Variants in RAD51B observed in about 807,000 individuals in gnomAD.
RAD51B encodes RAD51 paralog B.
Under a neutral mutation model 42.2 loss-of-function variants are expected in RAD51B, and 38 were observed. That is an observed-to-expected ratio of 0.90 (90% confidence interval 0.70 to 1.18). The LOEUF is 1.18. Ranked by LOEUF, RAD51B falls within the 50% of genes most tolerant of loss-of-function variation. The pLI, the probability that RAD51B is intolerant of heterozygous loss-of-function variation, is 0.00. For synonymous variants in RAD51B, 154 were observed against 145.2 expected (o/e 1.06, Z -0.43); for missense variants, 373 against 400.7 (o/e 0.93, Z 0.59).
At chr14:68,508,741 C>A (rs1199255202) in intron 10 of RAD51B, among the ~76,000 whole-genome samples, 1 of 152,204 alleles carries the variant, frequency 6.6e-6, no homozygotes, top group African/African-American at 2.4e-5. Context: ...GAGAGGGTAC[C>A]AGTTTCTTTG....
chr14:68,424,205 A>G (rs1450441317), intron 9 of RAD51B, among the ~76,000 whole-genome samples: 2 of 151,874 alleles, frequency 1.3e-5, no homozygotes, highest in African/African-American at 4.8e-5. Context: ...CTATTTCTTC[A>G]TTTTTTTCCT....
intron 8 of RAD51B, among the ~76,000 whole-genome samples, chr14:68,309,360 G>A (rs58616347): frequency 0.028 from 4,195 of 152,252 alleles, 193 homozygotes; most frequent in African/African-American, 0.094. Context: ...GGTACTTGTA[G>A]TGAAATGAGC....
At chr14:68,584,572 C>T (rs1041356146) in intron 10 of RAD51B, among the ~76,000 whole-genome samples, 1 of 152,222 alleles carries the variant, frequency 6.6e-6, no homozygotes, top group Non-Finnish European at 1.5e-5. Flanking sequence ...TCTGCCACTG[C>T]GCTTCTTGCC....
intron 8 of RAD51B, among the ~76,000 whole-genome samples, chr14:68,379,523 C>T (rs2083437272): frequency 6.6e-6 from 1 of 152,108 alleles, no homozygotes. Flanking sequence ...ATCACTTTGT[C>T]TGCCTGCAGT....
intron 7 of RAD51B, among the ~76,000 whole-genome samples, chr14:68,158,664 G>T (rs1385055949): frequency 1.3e-5 from 2 of 152,184 alleles, no homozygotes; most frequent in African/African-American, 4.8e-5. Flanking sequence ...TCAACCACAT[G>T]TATTATAATA....
chr14:68,023,934 A>G (rs941121239), intron 7 of RAD51B, among the ~76,000 whole-genome samples: 3 of 152,196 alleles, frequency 2.0e-5, no homozygotes, highest in Admixed American at 6.5e-5. Flanking sequence ...GTTGATATCA[A>G]GAAAGTTATT....
rs560856005 is a variant in RAD51B, at chr14:68,565,017, A to T, written c.1037-29468A>T. 6.6e-6 allele frequency among the ~76,000 whole-genome samples: 1 copy of T among 152,336 alleles called. No individual in the cohort carries two copies. Among genetic ancestry groups the T allele is most frequent in the South Asian group, 2.1e-4 (1 of 4,824 alleles). On this transcript the variant is annotated intron_variant, in intron 10 of 10. Coordinates refer to the RAD51B transcript ENST00000487270. The surrounding 1 kb of genome is among the most constrained non-coding windows in gnomAD (Gnocchi z 4.1). ...CAGCCTCCGGCCATAGGTGAAAGACAATTTCCGATTATTGTTTTCAAACAT... is the reference window on the plus strand; with the variant it reads ...CAGCCTCCGGCCATAGGTGAAAGACTATTTCCGATTATTGTTTTCAAACAT...
At chr14:67,971,980 ACAC>A (rs1443724585) in intron 7 of RAD51B, among the ~76,000 whole-genome samples, 31 of 151,288 alleles carry the variant, frequency 2.0e-4, no homozygotes, top group African/African-American at 7.5e-4. Flanking sequence ...TCTACCTTTA[ACAC>A]ATATGTTAAC....
chr14:68,470,045 T>C (rs1302867388), intron 10 of RAD51B, among the ~76,000 whole-genome samples: 1 of 152,044 alleles, frequency 6.6e-6, no homozygotes, highest in Middle Eastern at 3.2e-3. Flanking sequence ...ATACAATGAA[T>C]TGGTAGAGTT....
chr14:68,183,811 A>G (rs1275508891), intron 7 of RAD51B, among the ~76,000 whole-genome samples: 1 of 152,002 alleles, frequency 6.6e-6, no homozygotes, highest in East Asian at 1.9e-4. Flanking sequence ...TACCTGGGTA[A>G]GGCCGGGCGT....
At chr14:67,998,981 C>T (rs750982909) in intron 7 of RAD51B, among the ~76,000 whole-genome samples, 1 of 151,912 alleles carries the variant, frequency 6.6e-6, no homozygotes, top group Non-Finnish European at 1.5e-5. Flanking sequence ...CTGAAGAGTC[C>T]ATCTCTTTCC....
chr14:68,674,441 C>T (rs1409821078), intron 11 of RAD51B, among the ~76,000 whole-genome samples: 2 of 151,552 alleles, frequency 1.3e-5, no homozygotes, highest in Admixed American at 6.6e-5. Context: ...CATTATGTAT[C>T]GTATAATATA....
At chr14:68,276,801 G>T (rs190843854) in intron 7 of RAD51B, among the ~76,000 whole-genome samples, 2 of 152,178 alleles carry the variant, frequency 1.3e-5, no homozygotes, top group Admixed American at 1.3e-4. Flanking sequence ...ACATATTTAA[G>T]ACTTAGTTCA....
chr14:68,051,572 T>C (rs1463806559), intron 7 of RAD51B, among the ~76,000 whole-genome samples: 1 of 152,098 alleles, frequency 6.6e-6, no homozygotes, highest in Non-Finnish European at 1.5e-5. Context: ...TATTGCACTT[T>C]GCTAATAATA....
At position 68,477,825 on chromosome 14, in the gene RAD51B, C is replaced by G. The variant is rs142488573; in HGVS notation, c.*161C>G. 6.9e-7 allele frequency: 1 copy of G among 1,449,190 alleles called. No individual in the cohort carries two copies. The highest frequency in any genetic ancestry group is 9.1e-7 in the Non-Finnish European group (1 of 1,100,942). 89.8% of individuals were successfully genotyped at this position (1,449,190 alleles called of 1,614,324 possible). A position where few individuals can be genotyped will look rare whatever the true frequency, so the allele number is the denominator to read the frequency against. On this transcript the variant is annotated 3_prime_UTR_variant, in exon 11 of 11. Coordinates refer to ENST00000471583, the MANE Select transcript of RAD51B (RefSeq NM_133510.4). ...ATTTGCTCCTAAACCATTGAGCTAG[C>G]GATTTCAGACCTAGCAGGGAAGGTG...
At chr14:68,198,400 A>T (rs1322221759) in intron 7 of RAD51B, among the ~76,000 whole-genome samples, 3 of 152,262 alleles carry the variant, frequency 2.0e-5, no homozygotes, top group Non-Finnish European at 2.9e-5. Flanking sequence ...TGAGTTTTTT[A>T]AAAAATCAAT....
At chr14:68,539,176 C>T (rs1887813786) in intron 10 of RAD51B, among the ~76,000 whole-genome samples, 1 of 152,142 alleles carries the variant, frequency 6.6e-6, no homozygotes, top group African/African-American at 2.4e-5. Context: ...CACAGGGATC[C>T]CCCCTTTCTC....
chr14:67,832,225 C>T (rs1175465229), intron 3 of RAD51B, among the ~76,000 whole-genome samples: 1 of 152,160 alleles, frequency 6.6e-6, no homozygotes, highest in Non-Finnish European at 1.5e-5. Context: ...ATCCTCCTGC[C>T]TTAGCCTCCC....
chr14:68,628,719 T>G (rs73285874), intron 10 of RAD51B, among the ~76,000 whole-genome samples: 1 of 151,604 alleles, frequency 6.6e-6, no homozygotes, highest in Non-Finnish European at 1.5e-5. Context: ...GGTGAGGAGG[T>G]GTTTCTTGTC....
Sources: gnomAD v4.1 joint callset for allele counts (sites outside exome capture counted in the v4.1 genomes callset) on GRCh38, gnomAD v4.1.1 for gene constraint, Gnocchi (gnomAD v3.1) non-coding constraint, MANE v1.5 for transcripts, NCBI Gene and HGNC (gene_info 2026-07-23, HGNC 2026-07-21) for gene names.